Variants in SH2D4A observed in about 807,000 individuals in gnomAD.
SH2D4A encodes the protein SH2 domain-containing protein 4A.
In SH2D4A, 70 loss-of-function variants were observed where a neutral mutation model predicts 64.7. The observed-to-expected ratio is 1.08, with a 90% CI of 0.89 to 1.32. The LOEUF (loss-of-function observed/expected upper bound fraction) is 1.32, where lower values mean the gene tolerates loss of function less well. SH2D4A is among the 40% of genes most tolerant of loss of function. SH2D4A has a pLI of 0.00. For synonymous variants in SH2D4A, 268 were observed against 200.7 expected, an observed-to-expected ratio of 1.34 and a Z score of -2.83; for missense variants, 706 against 540.1, an observed-to-expected ratio of 1.31 and a Z score of -3.04.
chr8:19,382,823 C>CTTTTTTTTGTTT (rs2053318796), intron 8 of SH2D4A, among the ~76,000 whole-genome samples: 1 of 64,618 alleles, frequency 1.5e-5, no homozygotes, highest in Non-Finnish European at 2.9e-5. Flanking sequence ...TTTTAAGATT[C>CTTTTTTTTGTTT]TTTTTTTTTT....
chr8:19,320,728 C>T (rs2052175579), intron 2 of SH2D4A, among the ~76,000 whole-genome samples: 1 of 152,070 alleles, frequency 6.6e-6, no homozygotes, highest in South Asian at 2.1e-4. Flanking sequence ...ACCCCCACAC[C>T]CCCGCCTTGC....
At chr8:19,381,517 C>T (rs371718358) in intron 8 of SH2D4A, among the ~76,000 whole-genome samples, 2 of 152,130 alleles carry the variant, frequency 1.3e-5, no homozygotes, top group East Asian at 3.9e-4. Flanking sequence ...GTGTATCCTG[C>T]CACTTTGCTT....
At chr8:19,363,715 C>G (rs978823167) in intron 6 of SH2D4A, 2 of 323,516 alleles carry the variant, frequency 6.2e-6, no homozygotes, top group Middle Eastern at 1.0e-3. Flanking sequence ...CCTCTTATTA[C>G]TCAGCACCCC....
At chr8:19,334,232 G>A (rs1273663854) in intron 3 of SH2D4A, among the ~76,000 whole-genome samples, 1 of 152,176 alleles carries the variant, frequency 6.6e-6, no homozygotes, top group African/African-American at 2.4e-5. Context: ...AGACTCTGTG[G>A]CACAGTGGAT....
chr8:19,356,915 G>A (rs538375971), intron 4 of SH2D4A, among the ~76,000 whole-genome samples: 1 of 152,316 alleles, frequency 6.6e-6, no homozygotes, highest in African/African-American at 2.4e-5. Context: ...TTATCCCCAG[G>A]GCCCTCCAGG....
At chr8:19,392,602 GGA>G (rs892608551) in intron 8 of SH2D4A, among the ~76,000 whole-genome samples, 4 of 152,096 alleles carry the variant, frequency 2.6e-5, no homozygotes, top group African/African-American at 9.7e-5. Flanking sequence ...GGTAGCCTAG[GGA>G]GAGTATCTTT....
chr8:19,375,327 T>C (rs528957278), intron 8 of SH2D4A: 1 of 152,220 alleles, frequency 6.6e-6, no homozygotes, highest in Non-Finnish European at 1.5e-5. Context: ...TCTTATCTCT[T>C]TGAAATATAA....
In SH2D4A at chr8:19,373,702, G is replaced by A. The variant is rs373122997; in HGVS notation, c.1048+42G>A. 4.5e-5 allele frequency: 71 copies of A among 1,587,916 alleles called. 3 individuals carry two copies. Among genetic ancestry groups the A allele is most frequent in the South Asian group, 3.5e-4 (31 of 87,562 alleles). ...CCTCAATGGTGTTTCGTCTTAGGGCGGATGAAGCTGTGCTAATCTACCAGG... is the reference window on the plus strand; with the variant it reads ...CCTCAATGGTGTTTCGTCTTAGGGCAGATGAAGCTGTGCTAATCTACCAGG... On this transcript the variant is annotated intron_variant, in intron 8 of 9. Transcript: ENST00000265807.
chr8:19,340,298 G>A (rs9325857), intron 4 of SH2D4A, among the ~76,000 whole-genome samples: 30,806 of 152,038 alleles, frequency 0.2, 3,719 homozygotes, highest in African/African-American at 0.32. Context: ...ACTCTTTTCA[G>A]GAACAATTGG....
intron 7 of SH2D4A, among the ~76,000 whole-genome samples, chr8:19,366,753 C>G (rs902918050): frequency 3.9e-5 from 6 of 152,186 alleles, no homozygotes; most frequent in African/African-American, 1.4e-4. Flanking sequence ...GATCACACCA[C>G]TGCACTCCAG....
intron 4 of SH2D4A, among the ~76,000 whole-genome samples, chr8:19,349,911 C>T (rs2052671167): frequency 1.3e-5 from 2 of 152,178 alleles, no homozygotes; most frequent in Non-Finnish European, 2.9e-5. Flanking sequence ...ACCATGTTGG[C>T]CAGGCTGGTC....
chr8:19,315,790 G>A (rs2052078072), intron 1 of SH2D4A, among the ~76,000 whole-genome samples: 1 of 152,114 alleles, frequency 6.6e-6, no homozygotes, highest in Admixed American at 6.5e-5. Context: ...TCCTTGTCAG[G>A]GAGTGAAAGT....
intron 7 of SH2D4A, among the ~76,000 whole-genome samples, chr8:19,366,076 AAG>A (rs1469035492): frequency 6.6e-6 from 1 of 152,206 alleles, no homozygotes; most frequent in Admixed American, 6.5e-5. Context: ...ATGTTATAAA[AAG>A]CGTAAAGAAC....
chr8:19,386,795 A>G (rs1265886755), intron 8 of SH2D4A, among the ~76,000 whole-genome samples: 1 of 152,176 alleles, frequency 6.6e-6, no homozygotes, highest in African/African-American at 2.4e-5. Context: ...TTTTTTTAAA[A>G]AAAAGACAGG....
At chr8:19,375,796 GTTTGA>G (rs1260231661) in intron 8 of SH2D4A, among the ~76,000 whole-genome samples, 4 of 152,128 alleles carry the variant, frequency 2.6e-5, no homozygotes, top group African/African-American at 9.7e-5. Flanking sequence ...GTGTTAATTA[GTTTGA>G]TTTAATTATT....
At chr8:19,356,817 G>A (rs141040244) in intron 4 of SH2D4A, among the ~76,000 whole-genome samples, 2 of 152,340 alleles carry the variant, frequency 1.3e-5, no homozygotes, top group East Asian at 3.9e-4. Context: ...CAGAGACTAA[G>A]GCATTTCTTT....
At chr8:19,336,681 C>T (rs1258916142) in intron 4 of SH2D4A, among the ~76,000 whole-genome samples, 1 of 151,886 alleles carries the variant, frequency 6.6e-6, no homozygotes, top group African/African-American at 2.4e-5. Flanking sequence ...CCTGCAGAGA[C>T]AGTGAGACCC....
intron 4 of SH2D4A, among the ~76,000 whole-genome samples, chr8:19,337,549 G>C (rs1437139522): frequency 1.3e-5 from 2 of 152,118 alleles, no homozygotes; most frequent in Non-Finnish European, 2.9e-5. Flanking sequence ...AAATGTGAGA[G>C]AGAGTGTACT....
In SH2D4A at chr8:19,326,482, A is replaced by T. The variant is rs1055949796; in HGVS notation, c.182-6473A>T. 2.0e-5 allele frequency among the ~76,000 whole-genome samples: 3 copies of T among 152,152 alleles called. No homozygotes were observed. In the South Asian group the frequency reaches 6.2e-4, roughly 31 times the overall value. On this transcript the variant is annotated intron_variant, in intron 2 of 9. Transcript: ENST00000265807. Reference sequence around the variant, plus strand: ...CTTCCATCAGCCCTGATGAGACCCCACTGTAGTTAATATGGAACGTTGCTA... The same window carrying T: ...CTTCCATCAGCCCTGATGAGACCCCTCTGTAGTTAATATGGAACGTTGCTA...
Sources: allele counts gnomAD v4.1 joint callset (sites outside exome capture counted in the v4.1 genomes callset), GRCh38; gene constraint gnomAD v4.1.1; transcripts MANE v1.5; gene names NCBI Gene and HGNC (gene_info 2026-07-23, HGNC 2026-07-21).